APLP2: variants seen among roughly 807,000 people sequenced by gnomAD.
APLP2 encodes CDEI box-binding protein.
In APLP2, 53 loss-of-function variants were observed where a neutral mutation model predicts 89.9. That is an observed-to-expected ratio of 0.59 (90% confidence interval 0.47 to 0.74). The LOEUF (loss-of-function observed/expected upper bound fraction) is 0.74. APLP2 is among the 30% of genes least tolerant of loss of function. The pLI is 0.00. For synonymous variants in APLP2, 372 were observed against 348.6 expected, an observed-to-expected ratio of 1.07 and a Z score of -0.75; for missense variants, 973 against 975.9, an observed-to-expected ratio of 1.00 and a Z score of 0.04.
chr11:130,103,930 C>T (rs907457980), intron 1 of APLP2, among the ~76,000 whole-genome samples: 6 of 152,130 alleles, frequency 3.9e-5, no homozygotes, highest in Non-Finnish European at 7.4e-5. Context: ...GGAGTTCATT[C>T]GTAGCAGGTT....
rs1185022823 is a variant in APLP2, at chr11:130,123,004, T to C, written c.922+491T>C. On this transcript the variant is annotated intron_variant, in intron 6 of 16. Coordinates refer to ENST00000338167, the MANE Select transcript of APLP2 (RefSeq NM_001142276.2). The surrounding 1 kb of genome is among the most constrained non-coding windows in gnomAD (Gnocchi z 4.0). ...ATTGGGGCCTGCAGTTTTTTTTTTT[T>C]CTCATCTTGCCAATTAAAACACGAA... Among the ~76,000 whole-genome samples the C allele has an allele frequency of 6.6e-6, 1 of 152,124 alleles. No individual in the cohort carries two copies. Among genetic ancestry groups the C allele is most frequent in the Non-Finnish European group, 1.5e-5 (1 of 68,016 alleles).
Position 130,112,170 on chromosome 11 carries a change from TC to T in APLP2, c.403+1511del, listed in dbSNP as rs1426838475. On this transcript the variant is annotated intron_variant, in intron 3 of 16. Coordinates refer to ENST00000338167, the MANE Select transcript of APLP2 (RefSeq NM_001142276.2). ...CATTGAAGCAAAACTCACAGGGCAT[TC>T]CGGGATGTTTCTGATTTTTCAAGGG... Among the ~76,000 whole-genome samples, 6 of 152,308 alleles carry T rather than the reference TC, an allele frequency of 3.9e-5. No individual in the cohort carries two copies. The South Asian group carries it at 1.0e-3, about 26-fold the overall frequency.
At chr11:130,089,274 A>G (rs889665905) in intron 1 of APLP2, among the ~76,000 whole-genome samples, 1 of 152,042 alleles carries the variant, frequency 6.6e-6, no homozygotes, top group South Asian at 2.1e-4. Context: ...TCTATACTTC[A>G]TCTTTCCTGA....
At chr11:130,118,235 A>G (rs1949428031) in intron 3 of APLP2, among the ~76,000 whole-genome samples, 1 of 152,216 alleles carries the variant, frequency 6.6e-6, no homozygotes, top group South Asian at 2.1e-4. Context: ...TTGCTTTATG[A>G]GTATGGTTGA....
chr11:130,094,721 G>A (rs192821008), intron 1 of APLP2, among the ~76,000 whole-genome samples: 143 of 152,260 alleles, frequency 9.4e-4, no homozygotes, highest in Admixed American at 1.7e-3. Context: ...CCTTTCTTAG[G>A]AAGCTATGGA....
Position 130,142,089 on chromosome 11 carries a change from T to A in APLP2, c.2154+15T>A. On this transcript the variant is annotated intron_variant, in intron 16 of 16. Coordinates refer to ENST00000338167, the MANE Select transcript of APLP2 (RefSeq NM_001142276.2). ...GGATCGTGGAGGTGAGGAGCTGGGC[T>A]GCTGAGGGCCTGCTCTGCACTGTGG... The A allele has an allele frequency of 6.2e-7, 1 of 1,608,096 alleles. No homozygotes were observed. The highest frequency in any genetic ancestry group is 8.5e-7 in the Non-Finnish European group (1 of 1,177,482).
At chr11:130,129,890 G>T in intron 10 of APLP2, 148 bp from the exon 11 acceptor site, 1 of 859,488 alleles carries the variant, frequency 1.2e-6, no homozygotes, top group Non-Finnish European at 1.8e-6. Flanking sequence ...TTGTTACTTG[G>T]TAAGCTAAAA....
chr11:130,074,319 G>A (rs531945653), intron 1 of APLP2, among the ~76,000 whole-genome samples: 1 of 152,216 alleles, frequency 6.6e-6, no homozygotes, highest in East Asian at 1.9e-4. Context: ...AGGTTCAAGC[G>A]ACTCTCCTGC....
At chr11:130,093,364 G>A (rs901354158) in intron 1 of APLP2, among the ~76,000 whole-genome samples, 27 of 152,284 alleles carry the variant, frequency 1.8e-4, no homozygotes, top group Admixed American at 1.2e-3. Flanking sequence ...AATAGACAAA[G>A]ACAAGTTCTT....
chr11:130,100,980 A>G (rs1946832415), intron 1 of APLP2, among the ~76,000 whole-genome samples: 1 of 152,214 alleles, frequency 6.6e-6, no homozygotes, highest in Non-Finnish European at 1.5e-5. Context: ...TTGAAGCTTC[A>G]CTTCTCTGCT....
chr11:130,085,889 G>A (rs746251435), intron 1 of APLP2, among the ~76,000 whole-genome samples: 2 of 152,030 alleles, frequency 1.3e-5, no homozygotes, highest in Admixed American at 6.6e-5. Flanking sequence ...ATTCCTTTTC[G>A]AGACTGAGTA....
rs563539901 is a variant in APLP2 at position 130,104,198 on chromosome 11, G to A, written c.106-5231G>A. 5.9e-5 allele frequency among the ~76,000 whole-genome samples: 8 copies of A among 136,306 alleles called. No homozygotes were observed. In the South Asian group the frequency reaches 1.7e-3, roughly 28 times the overall value. The allele number at this position is 136,306 out of a possible 152,430, so 89.4% of individuals were successfully genotyped here. ...AGATTACAAAAGAACAGGACTTTTG[G>A]TACACATCTTTTTTTTTTTTTTTTT... On this transcript the variant is annotated intron_variant, in intron 1 of 16. Transcript: ENST00000338167.
At chr11:130,129,499 A>G (rs749021165) in intron 10 of APLP2, among the ~76,000 whole-genome samples, 6 of 152,244 alleles carry the variant, frequency 3.9e-5, no homozygotes, top group Admixed American at 2.0e-4. Context: ...CTTCCTTTCA[A>G]AGAATGAAAA....
chr11:130,136,055 A>G (rs1194571410), intron 13 of APLP2, among the ~76,000 whole-genome samples: 1 of 152,138 alleles, frequency 6.6e-6, no homozygotes, highest in African/African-American at 2.4e-5. Context: ...ACCTTTGCCC[A>G]GCCGTCTTGG....
At chr11:130,084,945 A>G (rs11221949) in intron 1 of APLP2, among the ~76,000 whole-genome samples, 15,339 of 152,216 alleles carry the variant, frequency 0.1, 1,181 homozygotes, top group African/African-American at 0.21. Context: ...AAGACACAAA[A>G]TCAGATATGA....
chr11:130,136,084 G>A (rs976481768), intron 13 of APLP2, among the ~76,000 whole-genome samples: 4 of 152,164 alleles, frequency 2.6e-5, no homozygotes, highest in Admixed American at 2.0e-4. Flanking sequence ...TGCTGGAGAG[G>A]CTGAGGAGGT....
chr11:130,073,094 C>T (rs1271735770), intron 1 of APLP2, among the ~76,000 whole-genome samples: 2 of 152,134 alleles, frequency 1.3e-5, no homozygotes, highest in Non-Finnish European at 2.9e-5. Flanking sequence ...TTTATGAAAT[C>T]TAAATGTAGA....
intron 1 of APLP2, among the ~76,000 whole-genome samples, chr11:130,106,486 T>A (rs1173417977): frequency 6.6e-6 from 1 of 152,224 alleles, no homozygotes; most frequent in African/African-American, 2.4e-5. Flanking sequence ...AAATAGTAAC[T>A]TTCTGCTTAA....
chr11:130,078,019 C>T (rs957201278), intron 1 of APLP2, among the ~76,000 whole-genome samples: 2 of 152,174 alleles, frequency 1.3e-5, no homozygotes, highest in African/African-American at 4.8e-5. Context: ...CCACTGAGGT[C>T]AAGAAATAAA....
Sources: allele counts gnomAD v4.1 joint callset (sites outside exome capture counted in the v4.1 genomes callset), GRCh38; gene constraint gnomAD v4.1.1; non-coding constraint Gnocchi (gnomAD v3.1); transcripts MANE v1.5; gene names NCBI Gene and HGNC (gene_info 2026-07-23, HGNC 2026-07-21).